IQSEC1: variants seen among roughly 807,000 people sequenced by gnomAD.
The protein encoded by IQSEC1 is IQ motif and Sec7 domain ArfGEF 1.
In IQSEC1, 31 loss-of-function variants were observed where a neutral mutation model predicts 91.0. The observed-to-expected ratio is 0.34, with a 90% CI of 0.26 to 0.46. IQSEC1 has a LOEUF of 0.46. IQSEC1 is among the 20% of genes least tolerant of loss of function. IQSEC1 has a pLI of 1.00. For synonymous variants in IQSEC1, 699 were observed against 662.6 expected (o/e 1.05, Z -0.84); for missense variants, 1,388 against 1,575.6 (o/e 0.88, Z 2.02).
intron 2 of IQSEC1, among the ~76,000 whole-genome samples, chr3:13,128,352 T>C (rs1706552330): frequency 6.6e-6 from 1 of 152,104 alleles, no homozygotes; most frequent in Admixed American, 6.6e-5. Flanking sequence ...TTTATTCCAA[T>C]TTTTTTTCCT....
intron 2 of IQSEC1, among the ~76,000 whole-genome samples, chr3:12,937,618 C>T (rs1340623350): frequency 6.6e-6 from 1 of 152,234 alleles, no homozygotes; most frequent in African/African-American, 2.4e-5. Context: ...TCGGTTTCCT[C>T]ATCTATTAAA....
At chr3:13,262,258 T>A (rs966512396) in intron 1 of IQSEC1, among the ~76,000 whole-genome samples, 3 of 152,222 alleles carry the variant, frequency 2.0e-5, no homozygotes, top group Non-Finnish European at 4.4e-5. Context: ...GTCTTCTTCC[T>A]CAGCAGGATG....
At chr3:13,027,625 G>A (rs1371348747) in intron 1 of IQSEC1, among the ~76,000 whole-genome samples, 2 of 152,206 alleles carry the variant, frequency 1.3e-5, no homozygotes, top group African/African-American at 4.8e-5. Flanking sequence ...AGAGAGAAAA[G>A]AGGAGTGGAA....
intron 1 of IQSEC1, among the ~76,000 whole-genome samples, chr3:13,196,157 G>A (rs771664382): frequency 2.3e-4 from 35 of 152,272 alleles, no homozygotes; most frequent in Non-Finnish European, 4.0e-4. Context: ...ATGCTGTGAG[G>A]AAGCCCAGTT....
intron 1 of IQSEC1, among the ~76,000 whole-genome samples, chr3:12,955,228 C>A (rs1376546573): frequency 1.3e-5 from 2 of 152,258 alleles, no homozygotes; most frequent in Non-Finnish European, 2.9e-5. Flanking sequence ...GGAACTTGAA[C>A]TACCAAGATC....
intron 2 of IQSEC1, among the ~76,000 whole-genome samples, chr3:13,160,917 T>C (rs951287035): frequency 3.9e-5 from 6 of 151,982 alleles, no homozygotes; most frequent in Non-Finnish European, 7.4e-5. Context: ...CTTAAGTCAT[T>C]TGGACACAAA....
At chr3:13,015,774 C>T in intron 1 of IQSEC1, 3 of 974,920 alleles carry the variant, frequency 3.1e-6, no homozygotes, top group Non-Finnish European at 3.7e-6. Context: ...CCCACCTGCC[C>T]TCCAAAAGGC....
chr3:13,038,290 A>G (rs1299793332), intron 1 of IQSEC1, among the ~76,000 whole-genome samples: 1 of 137,058 alleles, frequency 7.3e-6, no homozygotes, highest in African/African-American at 2.6e-5. Flanking sequence ...ATATATATAT[A>G]TATATATAAA....
chr3:13,221,766 A>G (rs1694665036), intron 1 of IQSEC1, among the ~76,000 whole-genome samples: 1 of 152,252 alleles, frequency 6.6e-6, no homozygotes, highest in Admixed American at 6.5e-5. Context: ...TGCCTCCGGC[A>G]TTGGCATCTG....
chr3:13,052,926 T>G, intron 1 of IQSEC1: 3 of 905,336 alleles, frequency 3.3e-6, no homozygotes, highest in South Asian at 1.3e-5. Flanking sequence ...ATTGTGACCT[T>G]GAGACAGCAT....
intron 1 of IQSEC1, among the ~76,000 whole-genome samples, chr3:13,165,511 C>CG (rs1332429901): frequency 9.0e-4 from 67 of 74,310 alleles, no homozygotes; most frequent in African/African-American, 3.5e-3. Context: ...AGAAAGCAAG[C>CG]GGGGGGGTGG....
intron 1 of IQSEC1, among the ~76,000 whole-genome samples, chr3:13,068,928 C>T (rs1455161061): frequency 6.6e-6 from 1 of 152,194 alleles, no homozygotes; most frequent in Non-Finnish European, 1.5e-5. Context: ...AGAGCAGCAC[C>T]CTCTCAGTGG....
chr3:13,194,100 T>C (rs1189614614), intron 1 of IQSEC1, among the ~76,000 whole-genome samples: 3 of 152,150 alleles, frequency 2.0e-5, no homozygotes, highest in Non-Finnish European at 2.9e-5. Flanking sequence ...ACCAGTCAGA[T>C]TGGATTAGGG....
intron 1 of IQSEC1, among the ~76,000 whole-genome samples, chr3:12,965,793 C>A (rs1972791): frequency 1.3e-5 from 2 of 152,038 alleles, no homozygotes; most frequent in Non-Finnish European, 2.9e-5. Flanking sequence ...AAACCCCTCC[C>A]CAGTTACTTT....
chr3:13,040,043 C>T (rs555309244), intron 1 of IQSEC1, among the ~76,000 whole-genome samples: 41 of 152,370 alleles, frequency 2.7e-4, no homozygotes, highest in Non-Finnish European at 5.3e-4. Flanking sequence ...TGAAGCCTCA[C>T]ATGTAGCAGA....
intron 1 of IQSEC1, among the ~76,000 whole-genome samples, chr3:13,215,798 G>A (rs1231102410): frequency 6.6e-6 from 1 of 152,202 alleles, no homozygotes; most frequent in African/African-American, 2.4e-5. Flanking sequence ...ATATAGCTGG[G>A]GAGCAGCTGG....
At chr3:13,044,733 C>T (rs932974352) in intron 1 of IQSEC1, among the ~76,000 whole-genome samples, 2 of 152,238 alleles carry the variant, frequency 1.3e-5, no homozygotes, top group Non-Finnish European at 2.9e-5. Context: ...CCCTCTCACG[C>T]CTGTGGCAGA....
At chr3:13,208,565 C>T (rs934907719) in intron 1 of IQSEC1, among the ~76,000 whole-genome samples, 2 of 152,202 alleles carry the variant, frequency 1.3e-5, no homozygotes, top group African/African-American at 4.8e-5. Flanking sequence ...CCTTGGTCCC[C>T]GATCCCAGCA....
intron 1 of IQSEC1, among the ~76,000 whole-genome samples, chr3:13,066,006 A>T (rs1705217017): frequency 6.6e-6 from 1 of 152,160 alleles, no homozygotes; most frequent in Non-Finnish European, 1.5e-5. Flanking sequence ...GTCTGATTCC[A>T]CTCACATGAC....
Sources: allele counts gnomAD v4.1 joint callset (sites outside exome capture counted in the v4.1 genomes callset), GRCh38; gene constraint gnomAD v4.1.1; transcripts MANE v1.5; gene names NCBI Gene and HGNC (gene_info 2026-07-23, HGNC 2026-07-21).